The following NCR2 variants were observed in gnomAD, a reference collection of about 807,000 sequenced individuals.
NCR2 encodes the protein NK cell activating receptor (NKp44).
Under a neutral mutation model 30.7 loss-of-function variants are expected in NCR2, and 35 were observed. The observed-to-expected ratio is 1.14, with a 90% CI of 0.87 to 1.51. The LOEUF is 1.51. Ranked by LOEUF, NCR2 falls within the 40% of genes most tolerant of loss-of-function variation. The pLI is 0.00. For missense variants in NCR2, 316 were observed against 328.9 expected (o/e 0.96, Z 0.30); for synonymous variants, 146 against 134.8 (o/e 1.08, Z -0.58).
At chr6:41,342,872 G>GAGA in intron 4 of NCR2, 1 of 1,510,862 alleles carries the variant, frequency 6.6e-7, no homozygotes, top group Non-Finnish European at 9.0e-7. Context: ...GACAGGGTGT[G>GAGA]AGAACGGATT....
intron 4 of NCR2, among the ~76,000 whole-genome samples, chr6:41,348,672 G>A (rs1769359087): frequency 2.0e-5 from 3 of 151,952 alleles, no homozygotes; most frequent in African/African-American, 7.3e-5. Flanking sequence ...ACTTCCTCAG[G>A]CTGCTTCCTG....
intron 4 of NCR2, chr6:41,343,152 G>A (rs1464915788): frequency 1.8e-5 from 14 of 794,526 alleles, no homozygotes; most frequent in Middle Eastern, 7.3e-4. Flanking sequence ...TCCCTGCAGA[G>A]CTGCAGAACC....
chr6:41,344,434 G>A (rs540799529), intron 4 of NCR2, among the ~76,000 whole-genome samples: 1 of 152,306 alleles, frequency 6.6e-6, no homozygotes, highest in African/African-American at 2.4e-5. Flanking sequence ...CAATCCCGAT[G>A]TTGGACCTAC....
intron 4 of NCR2, among the ~76,000 whole-genome samples, chr6:41,345,188 A>C (rs1023784685): frequency 6.6e-6 from 1 of 152,070 alleles, no homozygotes; most frequent in Non-Finnish European, 1.5e-5. Flanking sequence ...GAAGCCAGAG[A>C]ATCTAGGAGT....
At chr6:41,337,887 C>T (rs993746312) in intron 2 of NCR2, among the ~76,000 whole-genome samples, 2 of 152,136 alleles carry the variant, frequency 1.3e-5, no homozygotes, top group African/African-American at 2.4e-5. Context: ...CTATGAATTT[C>T]CTCTGCATAT....
chr6:41,347,022 C>T (rs985228870), intron 4 of NCR2, among the ~76,000 whole-genome samples: 1 of 152,204 alleles, frequency 6.6e-6, no homozygotes, highest in Non-Finnish European at 1.5e-5. Flanking sequence ...AATCACTTTC[C>T]TTCAGCTCCA....
At chr6:41,350,530 C>T (rs1769400545) in intron 4 of NCR2, 148 bp from the exon 5 acceptor site, 1 of 650,336 alleles carries the variant, frequency 1.5e-6, no homozygotes, top group Non-Finnish European at 2.7e-6. Context: ...TTTCTGGCAG[C>T]AGTGGCCAGG....
At chr6:41,343,044 C>A (rs1202720184) in intron 4 of NCR2, 2 of 1,536,592 alleles carry the variant, frequency 1.3e-6, no homozygotes, top group Non-Finnish European at 1.8e-6. Context: ...CAGTCTCCAA[C>A]AAGGCTGGGC....
At chr6:41,349,005 T>C (rs6932105) in intron 4 of NCR2, among the ~76,000 whole-genome samples, 3,956 of 150,480 alleles carry the variant, frequency 0.026, 164 homozygotes, top group African/African-American at 0.086. Flanking sequence ...TGAGACACTA[T>C]GTGAAATAAT....
intron 2 of NCR2, among the ~76,000 whole-genome samples, chr6:41,341,428 G>C (rs372694047): frequency 2.6e-5 from 4 of 152,282 alleles, no homozygotes; most frequent in African/African-American, 9.6e-5. Context: ...CCAAGTCCCA[G>C]AGGCATGAGA....
rs1193939191 is a variant in NCR2, at chr6:41,341,839, C to A, written c.440C>A (p.Ser147Tyr). The change falls in exon 3 of 5, where the codon TCT (serine) becomes TAT (tyrosine). Residue 147 changes from serine (S) to tyrosine (Y), a missense_variant. Transcript: ENST00000373089. Reference sequence around the variant, plus strand: ...TCCTGGACTCCCCGCGACCTGGTCTCTTCACAGACCCAGACCCAGAGCTGT... The same window carrying A: ...TCCTGGACTCCCCGCGACCTGGTCTATTCACAGACCCAGACCCAGAGCTGT... ...QTSWTPRDLV[S>Y]SQTQTQSCVP... 6.2e-7 allele frequency: 1 copy of A among 1,613,310 alleles called. No individual in the cohort carries two copies. The highest frequency in any genetic ancestry group is 1.3e-5 in the African/African-American group (1 of 74,912).
At chr6:41,336,838 A>G (rs901657220) in intron 2 of NCR2, among the ~76,000 whole-genome samples, 2 of 152,192 alleles carry the variant, frequency 1.3e-5, no homozygotes, top group Non-Finnish European at 2.9e-5. Context: ...TATCCCTCAT[A>G]GTCCAGATCG....
In NCR2 at chr6:41,335,816, A is replaced by T. The variant is rs1284022071; in HGVS notation, c.-61A>T. 5.9e-6 allele frequency: 9 copies of T among 1,525,700 alleles called. No individual in the cohort carries two copies. Among genetic ancestry groups the T allele is most frequent in the Non-Finnish European group, 8.0e-6 (9 of 1,123,100 alleles). The allele number at this position is 1,525,700 out of a possible 1,614,324, so 94.5% of individuals were successfully genotyped here. A position where few individuals can be genotyped will look rare whatever the true frequency, so the allele number is the denominator to read the frequency against. On this transcript the variant is annotated 5_prime_UTR_variant, in exon 1 of 5. Coordinates refer to ENST00000373089, the MANE Select transcript of NCR2 (RefSeq NM_004828.4). ...GCAGCAGAATCAGGCCCAGCTCCCAATTCCCTCTCCCCAGTCTTCTCCAGG... is the reference window on the plus strand; with the variant it reads ...GCAGCAGAATCAGGCCCAGCTCCCATTTCCCTCTCCCCAGTCTTCTCCAGG...
Position 41,350,849 on chromosome 6 carries a change from T to C in NCR2, c.816T>C (p.Asp272=), listed in dbSNP as rs143769074. 1,116 of 858,542 alleles carry C rather than the reference T, an allele frequency of 1.3e-3. 12 individuals carry two copies. The highest frequency in any genetic ancestry group is 0.012 in the African/African-American group (693 of 59,850). The allele number at this position is 858,542 out of a possible 1,614,324, so 53.2% of individuals were successfully genotyped here. The change falls in exon 5 of 5, where the codon GAT becomes GAC. Residue 272 remains aspartate (D), a synonymous_variant. Coordinates refer to ENST00000373089, the MANE Select transcript of NCR2 (RefSeq NM_004828.4). ...GGACTAAGATAAGCGATGATGATGA[T>C]GAACACACTTTGTGAATAATAAAAT... is the stretch of plus-strand genomic sequence containing the variant. The part of the protein sequence containing the change: ...VARTKISDDD[D]EHTL
chr6:41,345,863 G>A (rs1769286871), intron 4 of NCR2, among the ~76,000 whole-genome samples: 1 of 152,158 alleles, frequency 6.6e-6, no homozygotes, highest in African/African-American at 2.4e-5. Context: ...CGTCACCGCG[G>A]TACTCTCCCT....
chr6:41,336,503 C>T (rs9471578), intron 2 of NCR2, 75 bp downstream of exon 2: 115,684 of 1,321,022 alleles, frequency 0.088, 7,501 homozygotes, highest in East Asian at 0.33. Flanking sequence ...CCTGGTTTCC[C>T]AATCGTGGAA....
intron 2 of NCR2, among the ~76,000 whole-genome samples, chr6:41,337,065 C>T (rs369749499): frequency 1.3e-5 from 2 of 152,072 alleles, no homozygotes; most frequent in East Asian, 1.9e-4. Flanking sequence ...ATGGCTCATC[C>T]CTGACCCTTT....
intron 4 of NCR2, among the ~76,000 whole-genome samples, chr6:41,349,004 A>G (rs1393507700): frequency 1.3e-5 from 2 of 150,522 alleles, no homozygotes; most frequent in Non-Finnish European, 3.0e-5. Context: ...CTGAGACACT[A>G]TGTGAAATAA....
chr6:41,340,126 C>A (rs1010302512), intron 2 of NCR2, among the ~76,000 whole-genome samples: 12 of 140,474 alleles, frequency 8.5e-5, no homozygotes, highest in African/African-American at 3.0e-4. Flanking sequence ...TGTTTATACA[C>A]TTTTGGGCTA....
Sources: allele counts gnomAD v4.1 joint callset (sites outside exome capture counted in the v4.1 genomes callset), GRCh38; gene constraint gnomAD v4.1.1; transcripts MANE v1.5; gene names NCBI Gene and HGNC (gene_info 2026-07-23, HGNC 2026-07-21).